The following ACVR2A variants were observed in gnomAD, a reference collection of about 807,000 sequenced individuals.
ACVR2A encodes the protein activin receptor type-2A.
A neutral mutation model predicts 61.4 loss-of-function variants in ACVR2A; 7 were observed. The observed-to-expected ratio is 0.11, with a 90% CI of 0.06 to 0.21. The LOEUF is 0.21. Ranked by LOEUF, ACVR2A falls within the 10% of genes least tolerant of loss-of-function variation. The pLI is 1.00. For missense variants in ACVR2A, 322 were observed against 621.7 expected, an observed-to-expected ratio of 0.52 and a Z score of 5.13; for synonymous variants, 193 against 208.3, an observed-to-expected ratio of 0.93 and a Z score of 0.63.
chr2:147,921,095 A>G (rs1447529571), intron 8 of ACVR2A, among the ~76,000 whole-genome samples: 1 of 152,106 alleles, frequency 6.6e-6, no homozygotes, highest in Non-Finnish European at 1.5e-5. Flanking sequence ...GTGCAGTGGC[A>G]TGATCTTGGC....
At chr2:147,890,142 A>G (rs928759828) in intron 1 of ACVR2A, among the ~76,000 whole-genome samples, 1 of 152,110 alleles carries the variant, frequency 6.6e-6, no homozygotes, top group African/African-American at 2.4e-5. Context: ...ACATTAGATT[A>G]CCAGTGGGTC....
chr2:147,870,179 A>G (rs1685974149), intron 1 of ACVR2A, among the ~76,000 whole-genome samples: 1 of 152,092 alleles, frequency 6.6e-6, no homozygotes, highest in African/African-American at 2.4e-5. Flanking sequence ...AAAAATTAGT[A>G]GAGTGAAAAA....
chr2:147,922,490 T>C (rs1687406209), intron 8 of ACVR2A, among the ~76,000 whole-genome samples: 1 of 152,126 alleles, frequency 6.6e-6, no homozygotes, highest in African/African-American at 2.4e-5. Context: ...GGGACAGTTA[T>C]AAATAAAGGA....
At chr2:147,891,022 A>G (rs1686569616) in intron 1 of ACVR2A, among the ~76,000 whole-genome samples, 1 of 152,196 alleles carries the variant, frequency 6.6e-6, no homozygotes, top group Non-Finnish European at 1.5e-5. Flanking sequence ...TATCTTTTTA[A>G]TAAATAAAAT....
intron 1 of ACVR2A, among the ~76,000 whole-genome samples, chr2:147,890,041 G>A (rs1254901448): frequency 6.6e-6 from 1 of 151,936 alleles, no homozygotes; most frequent in Non-Finnish European, 1.5e-5. Flanking sequence ...GGTAGTGAGG[G>A]GTTTGGTACC....
intron 5 of ACVR2A, among the ~76,000 whole-genome samples, chr2:147,916,483 G>A (rs1687252058): frequency 6.6e-6 from 1 of 151,838 alleles, no homozygotes. Context: ...TACATAAAAT[G>A]CAACATATAA....
At chr2:147,872,501 G>A (rs1285536132) in intron 1 of ACVR2A, among the ~76,000 whole-genome samples, 2 of 150,586 alleles carry the variant, frequency 1.3e-5, no homozygotes, top group Admixed American at 6.7e-5. Context: ...CAAGAAAGTT[G>A]TCAATGATGT....
At chr2:147,922,947 C>G in intron 8 of ACVR2A, 26 bp from the exon 9 acceptor site, 1 of 1,594,614 alleles carries the variant, frequency 6.3e-7, no homozygotes, top group South Asian at 1.1e-5. Flanking sequence ...TGAATGAGTA[C>G]TCTTTGCTTT....
rs776763235 is a variant in ACVR2A at position 147,929,787 on chromosome 2, G to C, written c.*2513G>C. ...GGTGATCCATTTTGGGGCAAACTGA[G>C]ACCCCCCAAATAACTCTTTCCTCAT... On this transcript the variant is annotated 3_prime_UTR_variant, in exon 11 of 11. Transcript: ENST00000241416. 9 of 152,090 alleles carry C rather than the reference G, an allele frequency of 5.9e-5. No individual in the cohort carries two copies. The highest frequency in any genetic ancestry group is 1.3e-4 in the Admixed American group (2 of 15,148). The allele number at this position is 152,090 out of a possible 1,614,324, so 9.4% of individuals were successfully genotyped here.
intron 1 of ACVR2A, among the ~76,000 whole-genome samples, chr2:147,876,114 A>G (rs1686147989): frequency 6.6e-6 from 1 of 152,144 alleles, no homozygotes; most frequent in South Asian, 2.1e-4. Context: ...AGCATCTTCT[A>G]CAGCACTAGT....
intron 1 of ACVR2A, among the ~76,000 whole-genome samples, chr2:147,890,256 CAG>C (rs1486832624): frequency 6.6e-6 from 1 of 151,902 alleles, no homozygotes; most frequent in African/African-American, 2.4e-5. Context: ...ACAGGTGAGA[CAG>C]ATTACCAGAG....
intron 9 of ACVR2A, among the ~76,000 whole-genome samples, chr2:147,924,687 G>A (rs1255997648): frequency 6.6e-6 from 1 of 151,922 alleles, no homozygotes; most frequent in East Asian, 1.9e-4. Context: ...TAAAGTAGGT[G>A]CTTTCACGTG....
At chr2:147,914,557 T>C (rs549338815) in intron 4 of ACVR2A, among the ~76,000 whole-genome samples, 1 of 151,970 alleles carries the variant, frequency 6.6e-6, no homozygotes, top group African/African-American at 2.4e-5. Flanking sequence ...ACACAAATGA[T>C]TTTTTATCTC....
At position 147,870,238 on chromosome 2, in the gene ACVR2A, A is replaced by G. The variant is rs116124495; in HGVS notation, c.55+25031A>G. Reference sequence around the variant, plus strand: ...CTATAATCGTAAATGCCTGTTAGTCATTGTGATTAGCATAACATTACAGTA... The same window carrying G: ...CTATAATCGTAAATGCCTGTTAGTCGTTGTGATTAGCATAACATTACAGTA... On this transcript the variant is annotated intron_variant, in intron 1 of 10. Coordinates refer to ENST00000241416, the MANE Select transcript of ACVR2A (RefSeq NM_001616.5). 2.7e-3 allele frequency among the ~76,000 whole-genome samples: 418 copies of G among 152,254 alleles called. 1 individual carries two copies. Among genetic ancestry groups the G allele is most frequent in the Non-Finnish European group, 5.0e-3 (337 of 68,006 alleles).
At chr2:147,889,654 G>A (rs935406271) in intron 1 of ACVR2A, among the ~76,000 whole-genome samples, 1 of 152,050 alleles carries the variant, frequency 6.6e-6, no homozygotes, top group African/African-American at 2.4e-5. Flanking sequence ...GGCTGAGGCA[G>A]GAGAATGGCA....
intron 1 of ACVR2A, among the ~76,000 whole-genome samples, chr2:147,849,262 C>T (rs939779948): frequency 4.6e-5 from 7 of 152,060 alleles, no homozygotes; most frequent in African/African-American, 1.7e-4. Flanking sequence ...ATGATATGAT[C>T]TTTAAGGATA....
intron 1 of ACVR2A, among the ~76,000 whole-genome samples, chr2:147,850,197 G>T (rs572257874): frequency 6.6e-6 from 1 of 151,662 alleles, no homozygotes; most frequent in African/African-American, 2.4e-5. Flanking sequence ...TTCTTCCCCT[G>T]ACCCTTCTGT....
chr2:147,903,251 GTT>G (rs541370028), intron 4 of ACVR2A, among the ~76,000 whole-genome samples: 1 of 141,190 alleles, frequency 7.1e-6, no homozygotes, highest in African/African-American at 2.6e-5. Flanking sequence ...TTTTCTGGTC[GTT>G]TTTTTTTTTT....
intron 1 of ACVR2A, among the ~76,000 whole-genome samples, chr2:147,867,814 T>G (rs1055745641): frequency 3.9e-5 from 6 of 152,120 alleles, no homozygotes; most frequent in Non-Finnish European, 7.4e-5. Context: ...CTTTTCCAGC[T>G]TCATTTCCTG....
Sources: gnomAD v4.1 joint callset for allele counts (sites outside exome capture counted in the v4.1 genomes callset) on GRCh38, gnomAD v4.1.1 for gene constraint, MANE v1.5 for transcripts, NCBI Gene and HGNC (gene_info 2026-07-23, HGNC 2026-07-21) for gene names.